The following TUT4 variants were observed in gnomAD, a reference collection of about 807,000 sequenced individuals.
TUT4 encodes the protein terminal uridylyltransferase 4.
TUT4 carries 36 observed loss-of-function variants against 192.2 expected under a neutral mutation model. The ratio of observed to expected loss-of-function variants is 0.19; its 90% CI spans 0.14 to 0.25. The LOEUF is 0.25. TUT4 is among the 10% of genes least tolerant of loss of function. TUT4 has a pLI of 1.00. For missense variants in TUT4, 1,493 were observed against 1,957.2 expected (o/e 0.76, Z 4.47); for synonymous variants, 618 against 666.0 (o/e 0.93, Z 1.11).
chr1:52,516,501 T>C (rs761417253), intron 2 of TUT4, among the ~76,000 whole-genome samples: 2 of 152,194 alleles, frequency 1.3e-5, no homozygotes, highest in Middle Eastern at 3.2e-3. Context: ...CAAGGCTCCT[T>C]CTTCTTTCCT....
At chr1:52,538,846 G>C (rs1484867612) in intron 1 of TUT4, among the ~76,000 whole-genome samples, 1 of 152,026 alleles carries the variant, frequency 6.6e-6, no homozygotes, top group African/African-American at 2.4e-5. Context: ...TTTCATTCCT[G>C]CCTTACTTAC....
intron 24 of TUT4, among the ~76,000 whole-genome samples, chr1:52,440,436 T>G (rs915635281): frequency 6.7e-6 from 1 of 149,332 alleles, no homozygotes; most frequent in Non-Finnish European, 1.5e-5. Flanking sequence ...ATCCTGTGTT[T>G]TTTTTTTTTT....
chr1:52,540,963 T>C (rs992881490), intron 1 of TUT4, among the ~76,000 whole-genome samples: 2 of 152,158 alleles, frequency 1.3e-5, no homozygotes, highest in East Asian at 3.8e-4. Flanking sequence ...CTCAGCACTT[T>C]AGTAGGCCGA....
chr1:52,518,605 C>T (rs545642019), intron 2 of TUT4, among the ~76,000 whole-genome samples: 57 of 152,210 alleles, frequency 3.7e-4, no homozygotes, highest in Non-Finnish European at 7.1e-4. Flanking sequence ...TGGGAGGGGA[C>T]ATAATCCAGT....
intron 9 of TUT4, 116 bp from the exon 10 acceptor site, chr1:52,482,039 T>C (rs17107242): frequency 0.11 from 89,728 of 787,354 alleles, 5,620 homozygotes; most frequent in East Asian, 0.18. Flanking sequence ...CAATGAAAAA[T>C]ATAAGGAATA....
chr1:52,463,065 T>C, intron 16 of TUT4: 4 of 983,196 alleles, frequency 4.1e-6, no homozygotes, highest in Non-Finnish European at 4.8e-6. Flanking sequence ...TATTCAACGA[T>C]ACAATTATGC....
intron 12 of TUT4, among the ~76,000 whole-genome samples, chr1:52,476,841 G>A (rs1323941181): frequency 1.3e-5 from 2 of 152,198 alleles, no homozygotes; most frequent in Non-Finnish European, 2.9e-5. Flanking sequence ...AGGCTGAACA[G>A]ACTAAAACGG....
At chr1:52,437,641 A>G (rs1351201774) in intron 25 of TUT4, 1 of 152,466 alleles carries the variant, frequency 6.6e-6, no homozygotes, top group African/African-American at 2.4e-5. Context: ...CGGTGTCAAT[A>G]AACAGTTCTT....
At chr1:52,461,456 T>A in intron 18 of TUT4, 57 bp downstream of exon 18, 1 of 1,489,358 alleles carries the variant, frequency 6.7e-7, no homozygotes, top group Non-Finnish European at 9.2e-7. Context: ...ATAGAGTCAG[T>A]AATCTGTAAA....
At position 52,493,602 on chromosome 1, in the gene TUT4, G is replaced by T; in HGVS notation, c.1318+9C>A. On this transcript the variant is annotated intron_variant, in intron 7 of 29. Transcript: ENST00000257177. ...AAAAAAAAAGAAAAGAAAAAGAAAA[G>T]AAACTCACCATTTTTCTTTAAAATC... 1 of 1,423,002 alleles carries T rather than the reference G, an allele frequency of 7.0e-7. No homozygotes were observed. Among genetic ancestry groups the T allele is most frequent in the Non-Finnish European group, 9.6e-7 (1 of 1,046,774 alleles). The allele number at this position is 1,423,002 out of a possible 1,614,324, so 88.1% of individuals were successfully genotyped here. A position where few individuals can be genotyped will look rare whatever the true frequency, so the allele number is the denominator to read the frequency against.
Position 52,495,453 on chromosome 1 carries a change from T to C in TUT4, c.1240A>G (p.Asn414Asp). The change falls in exon 6 of 30, where the codon AAT (asparagine) becomes GAT (aspartate). Residue 414 changes from asparagine (N) to aspartate (D), a missense_variant. This residue lies in a region of TUT4 where 437 missense variants were observed against 577.6 expected (regional missense o/e 0.76). Transcript: ENST00000257177. ...TTGGGAGGAAATTTTATATCTATAT[T>C]AACATCACTACTTTTCAGAGCAAAT... The part of the protein sequence containing the change: ...TRFALKSSDV[N>D]IDIKFPPKMN... The C allele has an allele frequency of 6.2e-7, 1 of 1,610,158 alleles. No individual in the cohort carries two copies. Among genetic ancestry groups the C allele is most frequent in the South Asian group, 1.1e-5 (1 of 90,426 alleles).
Position 52,525,853 on chromosome 1 carries a change from G to T in TUT4, c.428C>A (p.Ala143Glu). The part of the protein sequence containing the change: ...KSPNSVKAEK[A>E]SSYQMKSEKV... Reference sequence around the variant, plus strand: ...TTCTGACTTCATCTGATAACTGGATGCTTTTTCTGCTTTCACTGAATTAGG... The same window carrying T: ...TTCTGACTTCATCTGATAACTGGATTCTTTTTCTGCTTTCACTGAATTAGG... The change falls in exon 2 of 30, where the codon GCA becomes GAA. Residue 143 changes from alanine to glutamate, a missense_variant. Physicochemically the swap from Ala to Glu is moderately radical, Grantham distance 107. This residue lies in a region of TUT4 where 260 missense variants were observed against 247.8 expected (regional missense o/e 1.05). Coordinates refer to ENST00000257177, the MANE Select transcript of TUT4 (RefSeq NM_001009881.3). 6.2e-7 allele frequency: 1 copy of T among 1,614,096 alleles called. No individual in the cohort carries two copies. The highest frequency in any genetic ancestry group is 8.5e-7 in the Non-Finnish European group (1 of 1,180,026).
At chr1:52,471,008 CTT>C (rs771331613) in intron 14 of TUT4, among the ~76,000 whole-genome samples, 5 of 82,150 alleles carry the variant, frequency 6.1e-5, no homozygotes, top group Non-Finnish European at 6.7e-5. Context: ...GCACTCTATG[CTT>C]TTTTTTTTTT....
At chr1:52,476,525 T>C (rs1439238843) in intron 12 of TUT4, among the ~76,000 whole-genome samples, 1 of 152,190 alleles carries the variant, frequency 6.6e-6, no homozygotes, top group Non-Finnish European at 1.5e-5. Context: ...GATCTTTTGG[T>C]ATTAACAGGC....
chr1:52,433,867 T>C (rs1434695158), intron 27 of TUT4: 1 of 152,216 alleles, frequency 6.6e-6, no homozygotes, highest in African/African-American at 2.4e-5. Flanking sequence ...GATACATTTC[T>C]GTAGCAAGGG....
At chr1:52,545,966 C>CA (rs71041901) in intron 1 of TUT4, among the ~76,000 whole-genome samples, 10,615 of 72,146 alleles carry the variant, frequency 0.15, 1,323 homozygotes, top group African/African-American at 0.35. Context: ...TACAAAAATA[C>CA]AAAAAAAAAA....
chr1:52,464,729 A>G (rs981789046), intron 16 of TUT4, among the ~76,000 whole-genome samples: 1 of 152,216 alleles, frequency 6.6e-6, no homozygotes, highest in African/African-American at 2.4e-5. Context: ...ACAAAGTATG[A>G]AAGATCAATG....
rs1190767355 is a variant in TUT4, at chr1:52,448,588, CAAAA to C, written c.3436-1925_3436-1922del. Among the ~76,000 whole-genome samples, 10 of 40,812 alleles carry C rather than the reference CAAAA, an allele frequency of 2.5e-4. No homozygotes were observed. The East Asian group carries it at 2.5e-3, about 10-fold the overall frequency. 26.8% of individuals were successfully genotyped at this position (40,812 alleles called of 152,430 possible). On this transcript the variant is annotated intron_variant, in intron 20 of 29. Transcript: ENST00000257177. Reference sequence around the variant, plus strand: ...TGGGTGACTAAGCGAGATTCTGTCTCAAAAAAAAAAAAAAAAAAAAAAAAAGAGG... The same window carrying C: ...TGGGTGACTAAGCGAGATTCTGTCTCAAAAAAAAAAAAAAAAAAAAAGAGG...
At chr1:52,509,789 A>T in intron 3 of TUT4, 77 bp from the exon 4 acceptor site, 1 of 839,424 alleles carries the variant, frequency 1.2e-6, no homozygotes. Context: ...AGTGAATAAT[A>T]CAATTATGTA....
Sources: allele counts gnomAD v4.1 joint callset (sites outside exome capture counted in the v4.1 genomes callset), GRCh38; gene constraint gnomAD v4.1.1; regional missense constraint gnomAD v4.1.1; transcripts MANE v1.5; gene names NCBI Gene and HGNC (gene_info 2026-07-23, HGNC 2026-07-21).